Variants in PRKG1 observed in about 807,000 individuals in gnomAD.
The protein encoded by PRKG1 is cGMP-dependent protein kinase 1.
A neutral mutation model predicts 88.1 loss-of-function variants in PRKG1; 35 were observed. The ratio of observed to expected loss-of-function variants is 0.40; its 90% CI spans 0.30 to 0.53. The LOEUF (loss-of-function observed/expected upper bound fraction) is 0.53. Ranked by LOEUF, PRKG1 falls within the 20% of genes least tolerant of loss-of-function variation. PRKG1 has a pLI of 0.59. For missense variants in PRKG1, 540 were observed against 839.8 expected (o/e 0.64, Z 4.41); for synonymous variants, 303 against 292.5 (o/e 1.04, Z -0.37).
chr10:51,619,832 T>G (rs1443801052), intron 3 of PRKG1, among the ~76,000 whole-genome samples: 3 of 152,158 alleles, frequency 2.0e-5, no homozygotes, highest in Non-Finnish European at 2.9e-5. Context: ...TTTTTGATGT[T>G]TCCAAGGAAA....
chr10:51,879,697 T>C (rs1841388989), intron 4 of PRKG1, among the ~76,000 whole-genome samples: 1 of 151,744 alleles, frequency 6.6e-6, no homozygotes, highest in Non-Finnish European at 1.5e-5. Flanking sequence ...ATAGGTCTTC[T>C]GATGCCACCA....
At chr10:51,831,371 C>A (rs1840001959) in intron 4 of PRKG1, among the ~76,000 whole-genome samples, 3 of 140,926 alleles carry the variant, frequency 2.1e-5, no homozygotes, top group Non-Finnish European at 4.5e-5. Context: ...TCAATGCTAA[C>A]CCCAGAAAAA....
At chr10:51,997,546 T>C (rs1420343062) in intron 5 of PRKG1, among the ~76,000 whole-genome samples, 1 of 151,896 alleles carries the variant, frequency 6.6e-6, no homozygotes, top group East Asian at 1.9e-4. Context: ...TAATAACAGA[T>C]TGTATTCTAG....
At chr10:52,246,824 C>T (rs1248976521) in intron 9 of PRKG1, among the ~76,000 whole-genome samples, 2 of 135,704 alleles carry the variant, frequency 1.5e-5, no homozygotes, top group Non-Finnish European at 1.5e-5. Context: ...TGCAGTGAGC[C>T]GAGATCATGC....
chr10:51,969,976 T>G (rs995240930), intron 5 of PRKG1, among the ~76,000 whole-genome samples: 6 of 150,918 alleles, frequency 4.0e-5, no homozygotes, highest in Admixed American at 1.3e-4. Flanking sequence ...TTTACTCTGT[T>G]TGCTTTATTT....
At chr10:51,231,489 A>T (rs75979961) in intron 2 of PRKG1, among the ~76,000 whole-genome samples, 3,543 of 152,216 alleles carry the variant, frequency 0.023, 148 homozygotes, top group African/African-American at 0.081. Flanking sequence ...GACCCTCTCC[A>T]CTACAAAGTG....
chr10:51,208,871 G>A (rs1838136283), intron 2 of PRKG1, among the ~76,000 whole-genome samples: 1 of 152,108 alleles, frequency 6.6e-6, no homozygotes, highest in African/African-American at 2.4e-5. Flanking sequence ...TAGAAAATTA[G>A]GAAGGGATTG....
chr10:51,637,522 G>A (rs945310266), intron 3 of PRKG1, among the ~76,000 whole-genome samples: 1 of 152,176 alleles, frequency 6.6e-6, no homozygotes, highest in South Asian at 2.1e-4. Flanking sequence ...TCAATGTAAA[G>A]GTTGATCAAT....
At chr10:51,770,331 G>A (rs542252077) in intron 3 of PRKG1, among the ~76,000 whole-genome samples, 2 of 152,298 alleles carry the variant, frequency 1.3e-5, no homozygotes, top group African/African-American at 4.8e-5. Context: ...TGAAGAAACA[G>A]GTATGTTAAT....
At chr10:51,621,446 T>C (rs1034640461) in intron 3 of PRKG1, among the ~76,000 whole-genome samples, 1 of 152,114 alleles carries the variant, frequency 6.6e-6, no homozygotes, top group African/African-American at 2.4e-5. Flanking sequence ...AACTGCATTG[T>C]CTCAAGATGG....
chr10:51,535,407 A>C (rs1842120670), intron 3 of PRKG1, among the ~76,000 whole-genome samples: 1 of 152,210 alleles, frequency 6.6e-6, no homozygotes, highest in African/African-American at 2.4e-5. Context: ...AGCAAACTGC[A>C]CCAATCAGAA....
At chr10:51,676,344 C>T (rs774664779) in intron 3 of PRKG1, among the ~76,000 whole-genome samples, 7 of 151,524 alleles carry the variant, frequency 4.6e-5, no homozygotes, top group Non-Finnish European at 1.0e-4. Context: ...TGCTGGAAAG[C>T]ATTGGTTCAG....
intron 2 of PRKG1, among the ~76,000 whole-genome samples, chr10:51,157,360 C>A (rs561779904): frequency 6.6e-6 from 1 of 151,736 alleles, no homozygotes; most frequent in African/African-American, 2.4e-5. Flanking sequence ...GCTTAAAGCT[C>A]GTTTTATGTT....
chr10:52,171,878 C>A (rs1274782239), intron 9 of PRKG1, among the ~76,000 whole-genome samples: 3 of 142,096 alleles, frequency 2.1e-5, no homozygotes, highest in Admixed American at 7.1e-5. Flanking sequence ...TCTCGGCTCA[C>A]TGCAAGCTCC....
At chr10:52,034,671 C>T (rs1008126209) in intron 5 of PRKG1, among the ~76,000 whole-genome samples, 5 of 151,110 alleles carry the variant, frequency 3.3e-5, no homozygotes, top group African/African-American at 1.2e-4. Flanking sequence ...GCTGTGATGG[C>T]ATGGAAAAAC....
intron 1 of PRKG1, among the ~76,000 whole-genome samples, chr10:51,149,404 A>G (rs1846011630): frequency 6.6e-6 from 1 of 152,106 alleles, no homozygotes; most frequent in Non-Finnish European, 1.5e-5. Flanking sequence ...ATGTTTTCCT[A>G]TACTCTAAAA....
chr10:51,738,919 A>G (rs986296349), intron 3 of PRKG1, among the ~76,000 whole-genome samples: 1 of 152,172 alleles, frequency 6.6e-6, no homozygotes. Flanking sequence ...TGTATTTAGG[A>G]CCAAAAATAA....
intron 4 of PRKG1, among the ~76,000 whole-genome samples, chr10:51,874,581 C>G (rs941241452): frequency 8.5e-5 from 13 of 152,108 alleles, no homozygotes; most frequent in African/African-American, 3.1e-4. Context: ...TTAAGAGCAT[C>G]TAAATAAAGC....
intron 3 of PRKG1, among the ~76,000 whole-genome samples, chr10:51,631,057 G>A (rs80268271): frequency 0.011 from 1,679 of 152,228 alleles, 18 homozygotes; most frequent in African/African-American, 0.038. Flanking sequence ...TTGGATAGCC[G>A]GTCACCACAT....
Sources: gnomAD v4.1 joint callset for allele counts (sites outside exome capture counted in the v4.1 genomes callset) on GRCh38, gnomAD v4.1.1 for gene constraint, MANE v1.5 for transcripts, NCBI Gene and HGNC (gene_info 2026-07-23, HGNC 2026-07-21) for gene names.